Variants in C17orf67 observed in about 807,000 individuals in gnomAD.
C17orf67 encodes the protein uncharacterized protein C17orf67.
A neutral mutation model predicts 11.2 loss-of-function variants in C17orf67; 12 were observed. The ratio of observed to expected loss-of-function variants is 1.07; its 90% confidence interval spans 0.68 to 1.73. C17orf67 has a LOEUF of 1.73. C17orf67 is among the 40% of genes most tolerant of loss of function. C17orf67 has a pLI of 0.00. For missense variants in C17orf67, 115 were observed against 113.5 expected, an observed-to-expected ratio of 1.01 and a Z score of -0.06; for synonymous variants, 59 against 46.9, an observed-to-expected ratio of 1.26 and a Z score of -1.05.
At chr17:56,823,531 T>G (rs1215462959) in intron 4 of C17orf67, among the ~76,000 whole-genome samples, 1 of 152,060 alleles carries the variant, frequency 6.6e-6, no homozygotes, top group African/African-American at 2.4e-5. Flanking sequence ...AAAAAAGGAA[T>G]GTTCAGAAAA....
intron 4 of C17orf67, among the ~76,000 whole-genome samples, chr17:56,817,287 A>G (rs1905783106): frequency 6.6e-6 from 1 of 152,204 alleles, no homozygotes; most frequent in African/African-American, 2.4e-5. Flanking sequence ...ACAATACCCT[A>G]TGTGTATTTC....
chr17:56,825,796 TA>T (rs1212614204), intron 2 of C17orf67, among the ~76,000 whole-genome samples: 3 of 151,980 alleles, frequency 2.0e-5, no homozygotes, highest in Non-Finnish European at 4.4e-5. Context: ...AAGTATGCAT[TA>T]AAAAAAAGTA....
chr17:56,811,407 G>A (rs1282249278), intron 6 of C17orf67, among the ~76,000 whole-genome samples: 2 of 152,136 alleles, frequency 1.3e-5, no homozygotes, highest in African/African-American at 4.8e-5. Flanking sequence ...CATCCTTCAA[G>A]CCACAGCTGG....
At chr17:56,808,210 C>G (rs995651679) in intron 6 of C17orf67, among the ~76,000 whole-genome samples, 4 of 152,222 alleles carry the variant, frequency 2.6e-5, no homozygotes, top group African/African-American at 4.8e-5. Context: ...ATCCACCATT[C>G]CCTCAAGGAA....
intron 6 of C17orf67, among the ~76,000 whole-genome samples, chr17:56,808,794 CAA>C (rs1234883041): frequency 6.6e-6 from 1 of 152,188 alleles, no homozygotes; most frequent in Non-Finnish European, 1.5e-5. Context: ...ATATTTAAGC[CAA>C]GTGTTAAGTG....
At chr17:56,830,427 A>G (rs1166239531) in intron 2 of C17orf67, among the ~76,000 whole-genome samples, 6 of 152,302 alleles carry the variant, frequency 3.9e-5, no homozygotes, top group South Asian at 4.1e-4. Context: ...TTAAAGAGAA[A>G]TTTCTATAAT....
At chr17:56,798,742 A>G (rs2144114050) in intron 6 of C17orf67, among the ~76,000 whole-genome samples, 1 of 152,302 alleles carries the variant, frequency 6.6e-6, no homozygotes, top group East Asian at 1.9e-4. Flanking sequence ...CTGAGGTGAG[A>G]GGATCTCTTG....
At chr17:56,825,020 C>T (rs1905992561) in intron 3 of C17orf67, 61 bp downstream of exon 3, 1 of 152,200 alleles carries the variant, frequency 6.6e-6, no homozygotes, top group Non-Finnish European at 1.5e-5. Flanking sequence ...GTTTTATAAA[C>T]TCTTCTGCAT....
chr17:56,802,179 GATTA>G (rs1905339082), intron 6 of C17orf67, among the ~76,000 whole-genome samples: 1 of 152,156 alleles, frequency 6.6e-6, no homozygotes, highest in South Asian at 2.1e-4. Context: ...GTGGGACCCA[GATTA>G]ATTGTCGCCG....
intron 2 of C17orf67, among the ~76,000 whole-genome samples, chr17:56,825,970 T>C (rs62072682): frequency 7.6e-6 from 1 of 131,558 alleles, no homozygotes; most frequent in East Asian, 2.3e-4. Flanking sequence ...TGCACGCGTG[T>C]GTGTGACGGA....
intron 4 of C17orf67, among the ~76,000 whole-genome samples, chr17:56,816,796 A>G (rs1456067197): frequency 6.6e-6 from 1 of 152,224 alleles, no homozygotes; most frequent in Non-Finnish European, 1.5e-5. Flanking sequence ...AATTCAAATC[A>G]TCTATAAATA....
intron 2 of C17orf67, among the ~76,000 whole-genome samples, chr17:56,829,536 C>T (rs752386754): frequency 3.9e-5 from 6 of 152,112 alleles, no homozygotes; most frequent in Non-Finnish European, 5.9e-5. Context: ...CTTAGGGCAG[C>T]GCTGTTCTCT....
At chr17:56,793,172 T>G (rs1905149716) in intron 7 of C17orf67, among the ~76,000 whole-genome samples, 1 of 149,750 alleles carries the variant, frequency 6.7e-6, no homozygotes, top group Non-Finnish European at 1.5e-5. Context: ...GGCATTGACT[T>G]TTTTAATCCT....
intron 2 of C17orf67, among the ~76,000 whole-genome samples, chr17:56,829,048 G>C (rs1470742161): frequency 6.6e-6 from 1 of 152,142 alleles, no homozygotes; most frequent in African/African-American, 2.4e-5. Context: ...GGGAGGCCGA[G>C]GTGGACAGAT....
rs1905112610 is a variant in C17orf67 at position 56,792,010 on chromosome 17, G to A, written c.*363C>T. On this transcript the variant is annotated 3_prime_UTR_variant, in exon 8 of 8. Transcript: ENST00000397861. Reference sequence around the variant, plus strand: ...CCCAAGTGGTATGCTTCACTACTCTGAACAAGGATTCCCCAAATTCCTTAG... The same window carrying A: ...CCCAAGTGGTATGCTTCACTACTCTAAACAAGGATTCCCCAAATTCCTTAG... 1 of 152,150 alleles carries A rather than the reference G, an allele frequency of 6.6e-6. No homozygotes were observed. The highest frequency in any genetic ancestry group is 1.5e-5 in the Non-Finnish European group (1 of 68,028). The allele number at this position is 152,150 out of a possible 1,614,324, so 9.4% of individuals were successfully genotyped here.
At chr17:56,829,783 T>C (rs1906142394) in intron 2 of C17orf67, among the ~76,000 whole-genome samples, 1 of 152,212 alleles carries the variant, frequency 6.6e-6, no homozygotes, top group South Asian at 2.1e-4. Context: ...GCAAAAGAAA[T>C]GCCATACTTT....
rs1179546665 is a variant in C17orf67, at chr17:56,809,927, CCCTCACACATACT to C, written c.156+4929_156+4941del. Among the ~76,000 whole-genome samples the C allele has an allele frequency of 4.4e-3, 643 of 145,666 alleles. 4 individuals carry two copies. Among genetic ancestry groups the C allele is most frequent in the Middle Eastern group, 0.021 (5 of 242 alleles). On this transcript the variant is annotated intron_variant, in intron 6 of 7. Coordinates refer to ENST00000397861, the MANE Select transcript of C17orf67 (RefSeq NM_001085430.4). ...CACCCTTACACACACCCTCACACAC[CCCTCACACATACT>C]CCTCACACATACTCCTCACTCACCT...
At chr17:56,809,293 C>T (rs760125699) in intron 6 of C17orf67, among the ~76,000 whole-genome samples, 6 of 151,916 alleles carry the variant, frequency 3.9e-5, no homozygotes, top group Non-Finnish European at 8.8e-5. Context: ...AATCCCTGCA[C>T]AGCTCCCTAC....
In C17orf67 at chr17:56,797,814, G is replaced by A. The variant is rs143095459; in HGVS notation, c.157-2634C>T. Among the ~76,000 whole-genome samples, 14 of 152,174 alleles carry A rather than the reference G, an allele frequency of 9.2e-5. No homozygotes were observed. In the East Asian group the frequency reaches 1.9e-3, roughly 21 times the overall value. On this transcript the variant is annotated intron_variant, in intron 6 of 7. Coordinates refer to ENST00000397861, the MANE Select transcript of C17orf67 (RefSeq NM_001085430.4). ...AGGGCTGGCCTTCTCCTCCAAATGC[G>A]CCTTGGTCTTCCCCGAAGCCAGTTC...
Sources: allele counts gnomAD v4.1 joint callset (sites outside exome capture counted in the v4.1 genomes callset), GRCh38; gene constraint gnomAD v4.1.1; transcripts MANE v1.5; gene names NCBI Gene and HGNC (gene_info 2026-07-23, HGNC 2026-07-21).